Variants in TEP1 observed in about 807,000 individuals in gnomAD.
TEP1 encodes the protein telomerase protein component 1.
TEP1 carries 241 observed loss-of-function variants against 306.3 expected under a neutral mutation model. That is an observed-to-expected ratio of 0.79 (90% CI 0.71 to 0.88). The LOEUF (loss-of-function observed/expected upper bound fraction) is 0.88, where lower values mean the gene tolerates loss of function less well. Ranked by LOEUF, TEP1 falls within the 40% of genes least tolerant of loss-of-function variation. TEP1 has a pLI of 0.00. For missense variants in TEP1, 3,051 were observed against 3,276.1 expected (o/e 0.93, Z 1.68); for synonymous variants, 1,289 against 1,305.5 (o/e 0.99, Z 0.27).
At chr14:20,386,679 A>C in intron 18 of TEP1, 56 bp from the exon 19 acceptor site, 1 of 1,496,540 alleles carries the variant, frequency 6.7e-7, no homozygotes, top group South Asian at 1.3e-5. Flanking sequence ...CCCCCCATCC[A>C]TAGACACTGC....
At chr14:20,398,710 G>T (rs1439894000) in intron 9 of TEP1, among the ~76,000 whole-genome samples, 2 of 152,034 alleles carry the variant, frequency 1.3e-5, no homozygotes, top group Non-Finnish European at 2.9e-5. Context: ...TTCTTTTCCT[G>T]GACAGAGGTG....
chr14:20,387,114 A>C (rs1160136262), intron 18 of TEP1, among the ~76,000 whole-genome samples: 2 of 151,212 alleles, frequency 1.3e-5, no homozygotes, highest in African/African-American at 4.9e-5. Flanking sequence ...TTGTATTTTT[A>C]GTAGAGACAG....
intron 5 of TEP1, 148 bp downstream of exon 5, chr14:20,404,463 A>G (rs1177976018): frequency 8.3e-6 from 8 of 959,634 alleles, no homozygotes; most frequent in African/African-American, 6.8e-5. Context: ...AACCCAGCCT[A>G]GTGGAGGGAG....
intron 12 of TEP1, among the ~76,000 whole-genome samples, chr14:20,392,982 G>T (rs1244924544): frequency 7.1e-6 from 1 of 141,490 alleles, no homozygotes. Flanking sequence ...ACTTTAGGAG[G>T]CCGAGGCGGG....
chr14:20,410,889 TCAG>T (rs1347440131), intron 1 of TEP1, among the ~76,000 whole-genome samples: 1 of 146,466 alleles, frequency 6.8e-6, no homozygotes, highest in African/African-American at 2.5e-5. Context: ...TCGCACAGTC[TCAG>T]CTCACTGCAA....
intron 49 of TEP1, 23 bp from the exon 50 acceptor site, chr14:20,371,655 C>G: frequency 6.5e-7 from 1 of 1,549,956 alleles, no homozygotes; most frequent in Non-Finnish European, 8.6e-7. Context: ...AGTACATGGA[C>G]AGAGAAAGAT....
At position 20,405,478 on chromosome 14, in the gene TEP1, G is replaced by A; in HGVS notation, c.843C>T (p.Ala281=). The part of the protein sequence containing the change: ...AAIFEICREL[A]LLEPEFILKA... ...TGAGGATAAACTCAGGCTCCAGGAGGGCAAGTTCACGACAGATTTCAAAAA... is the reference window on the plus strand; with the variant it reads ...TGAGGATAAACTCAGGCTCCAGGAGAGCAAGTTCACGACAGATTTCAAAAA... The change falls in exon 4 of 55, where the codon GCC becomes GCT. Residue 281 remains alanine (A), a synonymous_variant. Coordinates refer to ENST00000262715, the MANE Select transcript of TEP1 (RefSeq NM_007110.5). The A allele has an allele frequency of 6.2e-7, 1 of 1,614,026 alleles. No homozygotes were observed. The highest frequency in any genetic ancestry group is 8.5e-7 in the Non-Finnish European group (1 of 1,179,994).
chr14:20,401,453 TC>T lies in TEP1; in HGVS notation c.1391+3del. 6.2e-7 allele frequency: 1 copy of T among 1,613,810 alleles called. No individual in the cohort carries two copies. The highest frequency in any genetic ancestry group is 2.2e-5 in the East Asian group (1 of 44,888). ...GAATGCATGCTCAGGGTGCAGCTTC[TC>T]ACCTGTAACCCAGCAGGGCTTGAAC... On this transcript the variant is annotated splice_donor_region_variant and intron_variant, in intron 8 of 54. Transcript: ENST00000262715.
intron 9 of TEP1, among the ~76,000 whole-genome samples, chr14:20,399,989 T>C (rs1378223576): frequency 1.3e-5 from 2 of 150,996 alleles, no homozygotes; most frequent in Non-Finnish European, 3.0e-5. Context: ...AAACGCCGTC[T>C]CTACTAAAAA....
rs780913311 is a variant in TEP1 at position 20,386,622 on chromosome 14, A to T, written c.2686T>A (p.Trp896Arg). ...GAAATGAAAAGCCGGATGCTGCGCC[A>T]TCTGGGGATAAGCAGAGAGCTGGGC... is the stretch of plus-strand genomic sequence containing the variant. Reference protein sequence around the residue: ...SPLAPVSQQGWRSIRLFISST... With the variant: ...SPLAPVSQQGRRSIRLFISST... Residue 896 changes from tryptophan (W) to arginine (R), a missense_variant and splice_region_variant, in exon 19 of 55, where the codon TGG (tryptophan) becomes AGG (arginine). By Grantham distance (101) the Trp-to-Arg change is moderately radical. Transcript: ENST00000262715. 23 of 1,594,316 alleles carry T rather than the reference A, an allele frequency of 1.4e-5. No homozygotes were observed. Among genetic ancestry groups the T allele is most frequent in the Non-Finnish European group, 1.9e-5 (22 of 1,167,982 alleles).
chr14:20,388,319 C>CGGG (rs1312571041), intron 17 of TEP1, among the ~76,000 whole-genome samples: 1 of 152,094 alleles, frequency 6.6e-6, no homozygotes, highest in South Asian at 2.1e-4. Context: ...GCTGTTGGGC[C>CGGG]GGGGCAACGG....
At chr14:20,404,350 C>T (rs1218516473) in intron 5 of TEP1, among the ~76,000 whole-genome samples, 2 of 127,872 alleles carry the variant, frequency 1.6e-5, no homozygotes, top group South Asian at 2.5e-4. Flanking sequence ...AGTGAAACTC[C>T]GTCTCCAAAA....
intron 1 of TEP1, among the ~76,000 whole-genome samples, chr14:20,411,237 T>C (rs543111775): frequency 6.6e-6 from 1 of 152,296 alleles, no homozygotes; most frequent in South Asian, 2.1e-4. Flanking sequence ...CCCAGCATCA[T>C]CTCTCACTAA....
At chr14:20,369,315 A>G (rs1884676837) in intron 53 of TEP1, 29 bp downstream of exon 53, 1 of 1,610,756 alleles carries the variant, frequency 6.2e-7, no homozygotes, top group Non-Finnish European at 8.5e-7. Flanking sequence ...GCCCTCCCCT[A>G]GTATTTCTGA....
chr14:20,393,785 TAA>T (rs1232234876), intron 12 of TEP1, among the ~76,000 whole-genome samples: 8 of 137,346 alleles, frequency 5.8e-5, no homozygotes, highest in Admixed American at 7.2e-5. Context: ...TTGTCTCAAT[TAA>T]AAAAAAAAAA....
chr14:20,369,539 TAGGATCCCATC>T lies in TEP1; in HGVS notation c.7450_7460del (p.Asp2484MetfsTer16). 6.2e-7 allele frequency: 1 copy of T among 1,614,124 alleles called. No homozygotes were observed. ...CTGGGCTGCATTTGGCCAGGTTCCA[TAGGATCCCATC>T]AGAGCTGGCACACAAAAATGAGGAC... On this transcript the variant is annotated frameshift_variant, in exon 53 of 55. Transcript: ENST00000262715. LOFTEE classifies it high-confidence loss of function.
intron 3 of TEP1, among the ~76,000 whole-genome samples, 176 bp downstream of exon 3, chr14:20,406,057 A>G (rs1449148316): frequency 1.3e-5 from 2 of 151,918 alleles, no homozygotes; most frequent in Non-Finnish European, 2.9e-5. Flanking sequence ...AAAGGAAAGA[A>G]AAAAAGAAAA....
intron 19 of TEP1, 68 bp downstream of exon 19, chr14:20,386,379 C>T (rs1877149539): frequency 1.3e-6 from 2 of 1,571,886 alleles, no homozygotes; most frequent in Admixed American, 1.9e-5. Flanking sequence ...CCCAACCATG[C>T]CCACCTCAGG....
At chr14:20,390,458 CATGGAAATTTAGCAGATGCT>C (rs1176517315) in intron 15 of TEP1, among the ~76,000 whole-genome samples, 3 of 152,142 alleles carry the variant, frequency 2.0e-5, no homozygotes, top group Non-Finnish European at 4.4e-5. Flanking sequence ...CTGTTTACAC[CATGGAAATTTAGCAGATGCT>C]ACTAACCAAG....
Sources: allele counts gnomAD v4.1 joint callset (sites outside exome capture counted in the v4.1 genomes callset), GRCh38; gene constraint gnomAD v4.1.1; transcripts MANE v1.5; gene names NCBI Gene and HGNC (gene_info 2026-07-23, HGNC 2026-07-21).